Variants in DOCK11 observed in about 807,000 individuals in gnomAD.
DOCK11 encodes dedicator of cytokinesis 11.
A neutral mutation model predicts 169.1 loss-of-function variants in DOCK11; 70 were observed. The ratio of observed to expected loss-of-function variants is 0.41; its 90% CI spans 0.34 to 0.51. DOCK11 has a LOEUF of 0.51. Among genes scored for constraint, DOCK11 ranks in the 20% least tolerant of loss-of-function variants. The pLI is 0.10. For synonymous variants in DOCK11, 529 were observed against 541.3 expected (o/e 0.98, Z 0.32); for missense variants, 1,166 against 1,538.8 (o/e 0.76, Z 4.05).
intron 40 of DOCK11, 35 bp downstream of exon 40, chrX:118,643,629 C>G (rs745769649): frequency 2.3e-5 from 28 of 1,193,606 alleles, no homozygotes; most frequent in Non-Finnish European, 2.8e-5. Flanking sequence ...CCGGTGGGCT[C>G]TCTTCATTGC....
chrX:118,568,703 G>A (rs1280541919), intron 10 of DOCK11, among the ~76,000 whole-genome samples: 1 of 109,712 alleles, frequency 9.1e-6, no homozygotes, highest in African/African-American at 3.3e-5. Context: ...ACGCGGATGT[G>A]TATTTTAACC....
At chrX:118,508,073 A>G (rs905523041) in intron 1 of DOCK11, among the ~76,000 whole-genome samples, 1 of 109,022 alleles carries the variant, frequency 9.2e-6, no homozygotes, top group Admixed American at 9.8e-5. Flanking sequence ...AAAAAAAAAA[A>G]AGAGGGATGG....
At position 118,513,748 on chromosome X, in the gene DOCK11, A is replaced by G. The variant is rs755685274; in HGVS notation, c.102+17675A>G. On this transcript the variant is annotated intron_variant, in intron 1 of 52. Transcript: ENST00000276202. ...ACTTAGTAGATCTTTAAAAAGTGAAACCTTTTGCATGAGAGTCAAATAAAG... is the reference window on the plus strand; with the variant it reads ...ACTTAGTAGATCTTTAAAAAGTGAAGCCTTTTGCATGAGAGTCAAATAAAG... Among the ~76,000 whole-genome samples the G allele has an allele frequency of 9.0e-5, 10 of 111,679 alleles. No homozygotes were observed. In the South Asian group the frequency reaches 2.6e-3, roughly 29 times the overall value.
intron 36 of DOCK11, among the ~76,000 whole-genome samples, chrX:118,636,820 TTTGTGTGTACACA>T (rs968259042): frequency 1.2e-4 from 12 of 101,419 alleles, no homozygotes; most frequent in Admixed American, 1.2e-3. Context: ...TGTCTGTGTA[TTTGTGTGTACACA>T]CACACACACA....
intron 32 of DOCK11, among the ~76,000 whole-genome samples, chrX:118,626,811 G>A (rs1437033572): frequency 8.9e-6 from 1 of 112,471 alleles, no homozygotes; most frequent in African/African-American, 3.2e-5. Flanking sequence ...ACATAGATTT[G>A]ACAGCATTAT....
At chrX:118,529,737 G>A (rs1192342958) in intron 1 of DOCK11, among the ~76,000 whole-genome samples, 2 of 111,663 alleles carry the variant, frequency 1.8e-5, no homozygotes, top group East Asian at 5.6e-4. Context: ...TTCAGAAGGT[G>A]CACTGAATAG....
intron 45 of DOCK11, among the ~76,000 whole-genome samples, chrX:118,666,852 T>C (rs2016349206): frequency 8.9e-6 from 1 of 111,829 alleles, no homozygotes; most frequent in Non-Finnish European, 1.9e-5. Context: ...GAGTTCTAGT[T>C]GCCCCACATC....
chrX:118,662,990 T>C (rs12845876), intron 45 of DOCK11, among the ~76,000 whole-genome samples, 198 bp downstream of exon 45: 16,493 of 111,814 alleles, frequency 0.15, 904 homozygotes, highest in Middle Eastern at 0.31. Context: ...TGTCTAGTTT[T>C]AGAAATACAG....
chrX:118,627,815 A>G (rs1603133098), intron 33 of DOCK11, among the ~76,000 whole-genome samples: 2 of 112,182 alleles, frequency 1.8e-5, no homozygotes, highest in East Asian at 2.8e-4. Flanking sequence ...TGAGAAAAAT[A>G]CTGGTTTCCA....
intron 40 of DOCK11, among the ~76,000 whole-genome samples, chrX:118,647,340 G>A (rs1461602574): frequency 2.0e-5 from 2 of 101,318 alleles, no homozygotes; most frequent in African/African-American, 7.2e-5. Context: ...CCATTTTTAA[G>A]CCCCCATTTG....
At chrX:118,653,325 C>G (rs1286507764) in intron 42 of DOCK11, among the ~76,000 whole-genome samples, 2 of 111,619 alleles carry the variant, frequency 1.8e-5, no homozygotes, top group African/African-American at 6.5e-5. Context: ...AATGGGATCT[C>G]TATTAATGTA....
chrX:118,552,138 TAGAAG>T (rs1432526604), intron 6 of DOCK11, among the ~76,000 whole-genome samples: 1 of 111,313 alleles, frequency 9.0e-6, no homozygotes, highest in Non-Finnish European at 1.9e-5. Context: ...GAAAGAGTAT[TAGAAG>T]AGACTCAGCA....
intron 21 of DOCK11, 70 bp downstream of exon 21, chrX:118,597,622 G>A (rs935073246): frequency 4.3e-6 from 5 of 1,158,398 alleles, no homozygotes; most frequent in East Asian, 6.0e-5. Flanking sequence ...TGTTGGTCTC[G>A]ATTGTTTAGT....
Position 118,593,320 on chromosome X carries a change from A to T in DOCK11, c.2246A>T (p.Asp749Val). ...ACAAAGGGAACAACCAAAAAGCAAG[A>T]CACAGTTGAAACTCCAGGTACGTGT... ...INTKGTTKKQ[D>V]TVETPVGFAW... Residue 749 changes from aspartate to valine, a missense_variant, in exon 20 of 53, where the codon GAC becomes GTC. By Grantham distance (152) the Asp-to-Val change is radical. Transcript: ENST00000276202. The T allele has an allele frequency of 8.3e-7, 1 of 1,202,382 alleles. No homozygotes were observed. Among genetic ancestry groups the T allele is most frequent in the Non-Finnish European group, 1.1e-6 (1 of 892,340 alleles).
intron 40 of DOCK11, among the ~76,000 whole-genome samples, chrX:118,647,796 A>AATGTATAATAATATATAATATGTTATAAT (rs2015766165): frequency 4.9e-5 from 2 of 40,885 alleles, no homozygotes; most frequent in African/African-American, 2.1e-4. Flanking sequence ...AATATATTAT[A>AATGTATAATAATATATAATATGTTATAAT]ATATATAATA....
intron 48 of DOCK11, among the ~76,000 whole-genome samples, chrX:118,678,764 C>T (rs765834292): frequency 9.1e-6 from 1 of 110,170 alleles, no homozygotes; most frequent in Admixed American, 9.7e-5. Flanking sequence ...TGAGCCACCA[C>T]GCCTGGCCGC....
intron 14 of DOCK11, among the ~76,000 whole-genome samples, chrX:118,581,210 A>T (rs1256960964): frequency 8.9e-6 from 1 of 111,814 alleles, no homozygotes. Flanking sequence ...GGAGTAGCAT[A>T]AGGGTAGGAG....
chrX:118,612,314 C>T (rs1303158938), intron 28 of DOCK11, among the ~76,000 whole-genome samples: 1 of 112,143 alleles, frequency 8.9e-6, no homozygotes, highest in Non-Finnish European at 1.9e-5. Flanking sequence ...AACCCTATTA[C>T]ACTAGCCTTT....
intron 12 of DOCK11, among the ~76,000 whole-genome samples, chrX:118,575,503 GTCAAAGA>G (rs1402447260): frequency 8.9e-6 from 1 of 112,160 alleles, no homozygotes; most frequent in Non-Finnish European, 1.9e-5. Context: ...GATTTTTAGG[GTCAAAGA>G]TTATGCTGAT....
Sources: gnomAD v4.1 joint callset for allele counts (sites outside exome capture counted in the v4.1 genomes callset) on GRCh38, gnomAD v4.1.1 for gene constraint, MANE v1.5 for transcripts, NCBI Gene and HGNC (gene_info 2026-07-23, HGNC 2026-07-21) for gene names.